CDH18: variants seen among roughly 807,000 people sequenced by gnomAD.
CDH18 encodes cadherin 18.
A neutral mutation model predicts 67.9 loss-of-function variants in CDH18; 31 were observed. The ratio of observed to expected loss-of-function variants is 0.46; its 90% CI spans 0.34 to 0.62. CDH18 has a LOEUF of 0.62. Among genes scored for constraint, CDH18 ranks in the 20% least tolerant of loss-of-function variants. The pLI, the probability that CDH18 is intolerant of heterozygous loss-of-function variation, is 0.01. For missense variants in CDH18, 890 were observed against 975.5 expected (o/e 0.91, Z 1.17); for synonymous variants, 362 against 347.2 (o/e 1.04, Z -0.48).
At chr5:20,447,415 G>A (rs908704317) in intron 1 of CDH18, among the ~76,000 whole-genome samples, 4 of 151,822 alleles carry the variant, frequency 2.6e-5, no homozygotes, top group Non-Finnish European at 5.9e-5. Flanking sequence ...TGTCCACAGT[G>A]TGTCTTGCTT....
intron 3 of CDH18, among the ~76,000 whole-genome samples, chr5:19,748,073 A>C (rs1354669403): frequency 3.8e-5 from 5 of 130,176 alleles, no homozygotes; most frequent in Non-Finnish European, 7.9e-5. Context: ...AGATCGCGCC[A>C]CTGCACTCCA....
At chr5:20,337,891 G>A (rs1165769923) in intron 1 of CDH18, among the ~76,000 whole-genome samples, 1 of 152,220 alleles carries the variant, frequency 6.6e-6, no homozygotes, top group Admixed American at 6.5e-5. Flanking sequence ...TGCACTTACA[G>A]TTCCACGTGG....
intron 5 of CDH18, among the ~76,000 whole-genome samples, chr5:19,626,976 C>T (rs1338951022): frequency 1.3e-5 from 2 of 152,072 alleles, no homozygotes. Flanking sequence ...ATATTGAAAA[C>T]TCACTACTTT....
rs557881419 is a variant in CDH18 at position 19,559,463 on chromosome 5, C to G, written c.1253+12116G>C. Among the ~76,000 whole-genome samples, 2 of 152,044 alleles carry G rather than the reference C, an allele frequency of 1.3e-5. 1 individual carries two copies. The highest frequency in any genetic ancestry group is 3.9e-4 in the East Asian group (2 of 5,168). ...AATAGATGCAGTAAAAGCTTTTGAA[C>G]AAAATCCAGCATCCTTTTATGGTTA... On this transcript the variant is annotated intron_variant, in intron 8 of 12. Transcript: ENST00000382275.
At chr5:19,974,434 G>A (rs1213985754) in intron 2 of CDH18, among the ~76,000 whole-genome samples, 2 of 149,904 alleles carry the variant, frequency 1.3e-5, no homozygotes, top group Non-Finnish European at 3.0e-5. Context: ...GGGAGGCTGA[G>A]GCAGAATCCA....
chr5:20,447,935 G>A (rs1028900522), intron 1 of CDH18, among the ~76,000 whole-genome samples: 5 of 150,594 alleles, frequency 3.3e-5, no homozygotes, highest in Non-Finnish European at 7.4e-5. Context: ...TAAGTTCTAG[G>A]GTACATGTAT....
At chr5:20,408,457 T>C (rs1746489753) in intron 1 of CDH18, among the ~76,000 whole-genome samples, 1 of 151,948 alleles carries the variant, frequency 6.6e-6, no homozygotes, top group African/African-American at 2.4e-5. Context: ...TAACAAAGTT[T>C]TGAGGGAAGA....
At chr5:20,291,011 G>GA in intron 1 of CDH18, among the ~76,000 whole-genome samples, 1 of 152,062 alleles carries the variant, frequency 6.6e-6, no homozygotes, top group East Asian at 1.9e-4. Context: ...ATGGACAAGG[G>GA]AAAAATGTAC....
chr5:19,891,513 C>G (rs1276519196), intron 2 of CDH18, among the ~76,000 whole-genome samples: 1 of 152,066 alleles, frequency 6.6e-6, no homozygotes, highest in South Asian at 2.1e-4. Flanking sequence ...TTTTTTTACT[C>G]AGTTTAAGTA....
At chr5:20,453,108 A>G (rs1000667203) in intron 1 of CDH18, among the ~76,000 whole-genome samples, 7 of 152,126 alleles carry the variant, frequency 4.6e-5, no homozygotes, top group African/African-American at 1.7e-4. Context: ...TCATTAGCAC[A>G]GGGGCCCCTT....
At chr5:19,620,772 C>A (rs911626296) in intron 5 of CDH18, among the ~76,000 whole-genome samples, 1 of 151,980 alleles carries the variant, frequency 6.6e-6, no homozygotes, top group African/African-American at 2.4e-5. Flanking sequence ...CTCTGTCTTT[C>A]TTGCTGATAT....
intron 2 of CDH18, among the ~76,000 whole-genome samples, chr5:19,963,955 C>T (rs971364190): frequency 6.6e-6 from 1 of 151,912 alleles, no homozygotes; most frequent in Non-Finnish European, 1.5e-5. Context: ...AACTCAATAT[C>T]AAGACATTAG....
At chr5:19,500,252 T>C (rs1743019320) in intron 11 of CDH18, among the ~76,000 whole-genome samples, 1 of 152,208 alleles carries the variant, frequency 6.6e-6, no homozygotes, top group Admixed American at 6.5e-5. Flanking sequence ...TGCATATGCA[T>C]GTATGTATAC....
intron 2 of CDH18, among the ~76,000 whole-genome samples, chr5:20,019,472 A>T (rs535045325): frequency 1.3e-5 from 2 of 152,160 alleles, no homozygotes; most frequent in Non-Finnish European, 2.9e-5. Flanking sequence ...TGATTGGATC[A>T]TGGGGGCCAA....
intron 1 of CDH18, among the ~76,000 whole-genome samples, chr5:20,497,776 G>A (rs1007403340): frequency 4.6e-5 from 7 of 152,176 alleles, no homozygotes; most frequent in African/African-American, 7.2e-5. Flanking sequence ...AAGAGAGTTC[G>A]TTTATTAAAT....
intron 1 of CDH18, among the ~76,000 whole-genome samples, chr5:20,280,841 C>T (rs1327646292): frequency 6.6e-5 from 10 of 152,166 alleles, no homozygotes; most frequent in Non-Finnish European, 1.3e-4. Flanking sequence ...AAAAGTGTTC[C>T]TATTTCTCCA....
chr5:19,832,561 T>C (rs1161030138), intron 3 of CDH18, among the ~76,000 whole-genome samples: 1 of 151,638 alleles, frequency 6.6e-6, no homozygotes, highest in Admixed American at 6.6e-5. Context: ...ACAAGACTGC[T>C]ATGAAATTTC....
rs375232075 is a variant in CDH18, at chr5:19,571,560, C to T, written c.1253+19G>A. The stretch of plus-strand genomic sequence containing the variant: ...CAATAAAAATCTTTCTATGTCTAAA[C>T]GATTGAAGCATGCCATACCTTACTA... On this transcript the variant is annotated intron_variant, in intron 8 of 12. Transcript: ENST00000382275. 35 of 1,604,412 alleles carry T rather than the reference C, an allele frequency of 2.2e-5. No homozygotes were observed. Among genetic ancestry groups the T allele is most frequent in the East Asian group, 2.0e-4 (9 of 44,668 alleles).
chr5:19,856,339 A>G (rs1784284170), intron 2 of CDH18, among the ~76,000 whole-genome samples: 3 of 152,204 alleles, frequency 2.0e-5, no homozygotes, highest in Admixed American at 6.5e-5. Context: ...ACCCAAGATG[A>G]CAGTGTACCC....
Sources: gnomAD v4.1 joint callset for allele counts (sites outside exome capture counted in the v4.1 genomes callset) on GRCh38, gnomAD v4.1.1 for gene constraint, MANE v1.5 for transcripts, NCBI Gene and HGNC (gene_info 2026-07-23, HGNC 2026-07-21) for gene names.